Variants in CSNK2A2IP observed in about 807,000 individuals in gnomAD.
CSNK2A2IP encodes the protein casein kinase II subunit alpha'-interacting protein.
the CSNK2A2IP span, among the ~76,000 whole-genome samples, chr3:88,354,817 TA>T: frequency 9.9e-4 from 151 of 152,310 alleles, no homozygotes; most frequent in African/African-American, 3.5e-3. Context: ...AATGTGTGCA[TA>T]TACTATACTA....
chr3:88,383,884 C>G, the CSNK2A2IP span, among the ~76,000 whole-genome samples: 1 of 151,986 alleles, frequency 6.6e-6, no homozygotes, highest in African/African-American at 2.4e-5. Context: ...AGGATGGTCT[C>G]GATCTCCTGA....
the CSNK2A2IP span, among the ~76,000 whole-genome samples, chr3:88,445,969 CCTCTCT>C: frequency 2.4e-5 from 3 of 126,918 alleles, no homozygotes; most frequent in Non-Finnish European, 5.0e-5. Context: ...TCCCTCCCTC[CCTCTCT>C]CTCTTTCTTT....
chr3:88,433,321 A>G, the CSNK2A2IP span, among the ~76,000 whole-genome samples: 2 of 152,026 alleles, frequency 1.3e-5, no homozygotes, highest in Admixed American at 1.3e-4. Flanking sequence ...TACACCCTAT[A>G]TATAGCAAAG....
At chr3:88,440,271 A>C in the CSNK2A2IP span, among the ~76,000 whole-genome samples, 1 of 152,368 alleles carries the variant, frequency 6.6e-6, no homozygotes, top group East Asian at 1.9e-4. Flanking sequence ...GAAAATGCTA[A>C]AATTTAGAAC....
chr3:88,382,924 GA>G, the CSNK2A2IP span: 1 of 152,180 alleles, frequency 6.6e-6, no homozygotes, highest in East Asian at 1.9e-4. Flanking sequence ...CTATTAGAGT[GA>G]ATTGTTTGAA....
chr3:88,339,943 A>G, the CSNK2A2IP span, among the ~76,000 whole-genome samples: 21 of 152,052 alleles, frequency 1.4e-4, no homozygotes, highest in Middle Eastern at 3.4e-3. Flanking sequence ...GTCTCCATTC[A>G]CAATTTTCTA....
chr3:88,391,208 A>T, the CSNK2A2IP span, among the ~76,000 whole-genome samples: 1 of 152,216 alleles, frequency 6.6e-6, no homozygotes, highest in African/African-American at 2.4e-5. Context: ...TGATATTAAT[A>T]CCTAATTCAT....
the CSNK2A2IP span, among the ~76,000 whole-genome samples, chr3:88,442,222 T>C: frequency 6.6e-6 from 1 of 152,164 alleles, no homozygotes; most frequent in East Asian, 1.9e-4. Context: ...TTTTTCTTTT[T>C]AGTGACAGGG....
the CSNK2A2IP span, among the ~76,000 whole-genome samples, chr3:88,339,983 T>C: frequency 6.6e-6 from 1 of 152,016 alleles, no homozygotes; most frequent in Non-Finnish European, 1.5e-5. Flanking sequence ...CTAATGTTTT[T>C]AGATATGCAT....
At chr3:88,439,668 G>A in the CSNK2A2IP span, among the ~76,000 whole-genome samples, 1 of 150,734 alleles carries the variant, frequency 6.6e-6, no homozygotes, top group Non-Finnish European at 1.5e-5. Context: ...CTTGAACCAG[G>A]GAGTCGGAGG....
the CSNK2A2IP span, chr3:88,466,745 C>T: frequency 1.1e-6 from 1 of 891,716 alleles, no homozygotes; most frequent in Non-Finnish European, 1.5e-6. Context: ...AGGCCAAATC[C>T]TCATCCTGGT....
At chr3:88,401,080 A>T in the CSNK2A2IP span, among the ~76,000 whole-genome samples, 211 of 152,318 alleles carry the variant, frequency 1.4e-3, 2 homozygotes, top group African/African-American at 4.7e-3. Context: ...AATGATATGA[A>T]GTTATCATAT....
chr3:88,434,257 A>G, the CSNK2A2IP span, among the ~76,000 whole-genome samples: 1 of 152,186 alleles, frequency 6.6e-6, no homozygotes, highest in East Asian at 1.9e-4. Flanking sequence ...ACAATACTGG[A>G]GCAGAAAGAA....
At chr3:88,353,712 C>G in the CSNK2A2IP span, among the ~76,000 whole-genome samples, 1 of 152,120 alleles carries the variant, frequency 6.6e-6, no homozygotes, top group African/African-American at 2.4e-5. Context: ...ACACTCTAAT[C>G]ATATCTATTA....
chr3:88,464,336 C>A, the CSNK2A2IP span, among the ~76,000 whole-genome samples: 432 of 149,906 alleles, frequency 2.9e-3, 2 homozygotes, highest in African/African-American at 9.8e-3. Context: ...ATAAATATAT[C>A]TATATATATA....
At chr3:88,456,495 C>A in the CSNK2A2IP span, among the ~76,000 whole-genome samples, 1 of 151,856 alleles carries the variant, frequency 6.6e-6, no homozygotes, top group South Asian at 2.1e-4. Context: ...TTTTTTTGGA[C>A]AGTTTGCTGT....
the CSNK2A2IP span, among the ~76,000 whole-genome samples, chr3:88,395,136 T>C: frequency 1.3e-5 from 2 of 152,216 alleles, no homozygotes; most frequent in African/African-American, 4.8e-5. Context: ...TATATACACA[T>C]ACATGTAAAA....
the CSNK2A2IP span, among the ~76,000 whole-genome samples, chr3:88,360,703 A>G: frequency 2.6e-5 from 4 of 152,162 alleles, no homozygotes; most frequent in Non-Finnish European, 5.9e-5. Flanking sequence ...GCAAGAACTT[A>G]CTACTTCCAT....
chr3:88,434,107 G>A, the CSNK2A2IP span, among the ~76,000 whole-genome samples: 1 of 152,080 alleles, frequency 6.6e-6, no homozygotes, highest in African/African-American at 2.4e-5. Flanking sequence ...GACCTAAAAT[G>A]TAGACTTGGG....
Sources: gnomAD v4.1 joint callset for allele counts (sites outside exome capture counted in the v4.1 genomes callset) on GRCh38, gnomAD v4.1.1 for gene constraint, MANE v1.5 for transcripts, NCBI Gene and HGNC (gene_info 2026-07-23, HGNC 2026-07-21) for gene names.